CCDC125: variants seen among roughly 807,000 people sequenced by gnomAD.
CCDC125 encodes the protein coiled-coil domain containing 125, also known as coiled-coil domain-containing protein 125.
CCDC125 carries 43 observed loss-of-function variants against 57.4 expected under a neutral mutation model. The ratio of observed to expected loss-of-function variants is 0.75; its 90% confidence interval spans 0.59 to 0.97. The LOEUF (loss-of-function observed/expected upper bound fraction) is 0.97. Ranked by LOEUF, CCDC125 falls within the 50% of genes least tolerant of loss-of-function variation. CCDC125 has a pLI of 0.00. For missense variants in CCDC125, 563 were observed against 595.7 expected, an observed-to-expected ratio of 0.95 and a Z score of 0.57; for synonymous variants, 187 against 195.2, an observed-to-expected ratio of 0.96 and a Z score of 0.35.
chr5:69,294,674 G>A, intron 9 of CCDC125, 119 bp downstream of exon 9: 4 of 773,888 alleles, frequency 5.2e-6, no homozygotes, highest in Non-Finnish European at 6.5e-6. Context: ...TAAAAACTAA[G>A]CATAAGTTCC....
At chr5:69,327,237 G>T (rs1346062890) in intron 1 of CCDC125, among the ~76,000 whole-genome samples, 2 of 151,898 alleles carry the variant, frequency 1.3e-5, no homozygotes, top group Non-Finnish European at 2.9e-5. Flanking sequence ...TGGGACTACA[G>T]GTGCCCGCCA....
intron 10 of CCDC125, among the ~76,000 whole-genome samples, chr5:69,290,775 G>A (rs1326274508): frequency 6.6e-6 from 1 of 151,102 alleles, no homozygotes; most frequent in Non-Finnish European, 1.5e-5. Flanking sequence ...GACTACAGGC[G>A]CCTGCGACCA....
the CCDC125 span, chr5:69,273,054 A>G: frequency 2.0e-5 from 30 of 1,477,104 alleles, no homozygotes; most frequent in Non-Finnish European, 2.7e-5. Flanking sequence ...ATTTTGGTGT[A>G]TCTTTTTTAT....
intron 3 of CCDC125, chr5:69,313,359 G>A (rs1007086316): frequency 3.5e-5 from 47 of 1,333,526 alleles, no homozygotes; most frequent in Non-Finnish European, 4.3e-5. Flanking sequence ...TAGGCAGGTG[G>A]CCAGAAGGGG....
At chr5:69,277,686 C>T (rs925555898), downstream of CCDC125, among the ~76,000 whole-genome samples, 3 of 151,214 alleles carry the variant, frequency 2.0e-5, no homozygotes, top group Non-Finnish European at 2.9e-5. Flanking sequence ...AGGAGAATGG[C>T]GAGAACCCGG....
At chr5:69,299,443 CT>C (rs1174911307) in intron 8 of CCDC125, among the ~76,000 whole-genome samples, 7 of 152,222 alleles carry the variant, frequency 4.6e-5, no homozygotes, top group Admixed American at 4.6e-4. Flanking sequence ...TGGCTGCCCC[CT>C]ATCACTCTAC....
chr5:69,294,306 A>G (rs972056132), intron 9 of CCDC125: 33 of 195,530 alleles, frequency 1.7e-4, no homozygotes, highest in African/African-American at 7.4e-4. Flanking sequence ...CATGCCAAGT[A>G]CTTTTTTTTT....
chr5:69,294,664 T>C (rs1755035790), intron 9 of CCDC125, 129 bp downstream of exon 9: 1 of 746,718 alleles, frequency 1.3e-6, no homozygotes, highest in Non-Finnish European at 2.3e-6. Flanking sequence ...TGCTATCACA[T>C]AAAAACTAAG....
chr5:69,320,158 T>C lies in CCDC125; in HGVS notation c.304+79A>G, dbSNP rs7716603. On this transcript the variant is annotated intron_variant, in intron 2 of 11. Coordinates refer to ENST00000396496, the MANE Select transcript of CCDC125 (RefSeq NM_176816.5). ...AAAATCTAAAATCCAATATGGTTAT[T>C]TATTTTAGATTTTGGAAGGGTTATA... 4,367 of 1,254,866 alleles carry C rather than the reference T, an allele frequency of 3.5e-3. 85 individuals carry two copies. In the African/African-American group the frequency reaches 0.049, roughly 14 times the overall value. The allele number at this position is 1,254,866 out of a possible 1,614,324, so 77.7% of individuals were successfully genotyped here. A position where few individuals can be genotyped will look rare whatever the true frequency, so the allele number is the denominator to read the frequency against.
At chr5:69,278,502 C>G (rs3934529), downstream of CCDC125, among the ~76,000 whole-genome samples, 1 of 151,842 alleles carries the variant, frequency 6.6e-6, no homozygotes, top group African/African-American at 2.4e-5. Flanking sequence ...TGTGAGCCAC[C>G]GCGCCCAGCC....
chr5:69,304,905 T>C (rs1757089669), intron 6 of CCDC125, among the ~76,000 whole-genome samples: 1 of 152,100 alleles, frequency 6.6e-6, no homozygotes, highest in African/African-American at 2.4e-5. Context: ...CTTCGGGTAA[T>C]AATGATGTAT....
chr5:69,310,460 C>T (rs548236901), intron 4 of CCDC125: 1 of 157,530 alleles, frequency 6.3e-6, no homozygotes, highest in African/African-American at 2.4e-5. Flanking sequence ...CTGCCTTTCA[C>T]CTCCCACCAT....
chr5:69,298,181 A>T (rs572685504), intron 8 of CCDC125, among the ~76,000 whole-genome samples: 40 of 151,604 alleles, frequency 2.6e-4, no homozygotes, highest in Non-Finnish European at 5.0e-4. Context: ...ACGCCCAGCT[A>T]ATTTTTGTAC....
At chr5:69,307,639 G>A (rs1017678658) in intron 5 of CCDC125, 41 of 252,018 alleles carry the variant, frequency 1.6e-4, no homozygotes, top group Middle Eastern at 1.4e-3. Flanking sequence ...TAGAGATCGC[G>A]CCACTGCACT....
At chr5:69,315,388 C>G (rs1758853209) in intron 2 of CCDC125, among the ~76,000 whole-genome samples, 1 of 142,710 alleles carries the variant, frequency 7.0e-6, no homozygotes, top group South Asian at 2.3e-4. Flanking sequence ...ATGGTGAAAC[C>G]CTGTCTCTAC....
At chr5:69,330,561 T>A (rs952414435) in intron 1 of CCDC125, among the ~76,000 whole-genome samples, 5 of 151,026 alleles carry the variant, frequency 3.3e-5, no homozygotes. Context: ...ACCACTGCAC[T>A]CCAGCCTGGG....
chr5:69,289,041 A>C (rs1365796957), intron 10 of CCDC125, among the ~76,000 whole-genome samples: 1 of 152,218 alleles, frequency 6.6e-6, no homozygotes, highest in Non-Finnish European at 1.5e-5. Flanking sequence ...TCTTGAGAAA[A>C]ATGCAGCTTT....
intron 11 of CCDC125, among the ~76,000 whole-genome samples, chr5:69,283,431 A>G (rs866477081): frequency 3.3e-5 from 5 of 152,194 alleles, no homozygotes; most frequent in African/African-American, 9.6e-5. Context: ...TGTGTTTGCC[A>G]GGATGGTCTG....
At chr5:69,286,234 A>ATATATATATATAT (rs1554071341) in intron 10 of CCDC125, among the ~76,000 whole-genome samples, 5 of 48,410 alleles carry the variant, frequency 1.0e-4, no homozygotes, top group Non-Finnish European at 1.6e-4. Flanking sequence ...ATATATATAT[A>ATATATATATATAT]ATTTTTTTTT....
Sources: gnomAD v4.1 joint callset for allele counts (sites outside exome capture counted in the v4.1 genomes callset) on GRCh38, gnomAD v4.1.1 for gene constraint, MANE v1.5 for transcripts, NCBI Gene and HGNC (gene_info 2026-07-23, HGNC 2026-07-21) for gene names.